Variants in SP2 observed in about 807,000 individuals in gnomAD.
SP2 encodes the protein transcription factor Sp2.
A neutral mutation model predicts 50.1 loss-of-function variants in SP2; 9 were observed. The ratio of observed to expected loss-of-function variants is 0.18; its 90% confidence interval spans 0.11 to 0.31. The LOEUF (loss-of-function observed/expected upper bound fraction) is 0.31, where lower values mean the gene tolerates loss of function less well. Ranked by LOEUF, SP2 falls within the 10% of genes least tolerant of loss-of-function variation. SP2 has a pLI of 1.00. For missense variants in SP2, 581 were observed against 806.5 expected (o/e 0.72, Z 3.39); for synonymous variants, 313 against 326.6 (o/e 0.96, Z 0.45).
At chr17:47,910,831 G>A (rs2034952072) in intron 1 of SP2, among the ~76,000 whole-genome samples, 1 of 152,160 alleles carries the variant, frequency 6.6e-6, no homozygotes, top group Non-Finnish European at 1.5e-5. Flanking sequence ...GTCCTAATTA[G>A]CCCACACAGT....
chr17:47,925,688 G>C (rs1178257862), intron 6 of SP2, 147 bp downstream of exon 6: 2 of 625,544 alleles, frequency 3.2e-6, no homozygotes, highest in Middle Eastern at 4.3e-4. Context: ...GGACGACATA[G>C]GAAATTATTT....
intron 3 of SP2, chr17:47,918,444 A>G (rs1296960380): frequency 1.3e-5 from 2 of 152,184 alleles, no homozygotes; most frequent in Non-Finnish European, 2.9e-5. Context: ...TCCCATGATC[A>G]GACCTACCTT....
intron 1 of SP2, among the ~76,000 whole-genome samples, chr17:47,902,972 T>C (rs1409431230): frequency 7.2e-5 from 11 of 152,008 alleles, no homozygotes; most frequent in Non-Finnish European, 5.9e-5. Flanking sequence ...GCCAGGCTGG[T>C]CTCCAACTCC....
chr17:47,902,375 G>A (rs908253157), intron 1 of SP2, among the ~76,000 whole-genome samples: 7 of 152,116 alleles, frequency 4.6e-5, no homozygotes, highest in Non-Finnish European at 7.4e-5. Context: ...ATGGTATTGG[G>A]GGCCTCTGAG....
chr17:47,923,244 G>A lies in SP2; in HGVS notation c.1342G>A (p.Gly448Ser). The A allele has an allele frequency of 6.2e-7, 1 of 1,607,072 alleles. No homozygotes were observed. Among genetic ancestry groups the A allele is most frequent in the African/African-American group, 1.3e-5 (1 of 75,054 alleles). Residue 448 changes from glycine (G) to serine (S), a missense_variant, in exon 4 of 7, where the codon GGC (glycine) becomes AGC (serine). Coordinates refer to ENST00000376741, the MANE Select transcript of SP2 (RefSeq NM_003110.6). The part of the protein sequence containing the change: ...TININGVQVQ[G>S]VPVTITNTGG... Reference sequence around the variant, plus strand: ...CAACATCAATGGTGTCCAGGTCCAGGGCGTGCCTGTCACCATCACCAACAC... The same window carrying A: ...CAACATCAATGGTGTCCAGGTCCAGAGCGTGCCTGTCACCATCACCAACAC...
chr17:47,919,710 G>C (rs11079801), intron 3 of SP2, among the ~76,000 whole-genome samples: 72,836 of 151,552 alleles, frequency 0.48, 17,771 homozygotes, highest in East Asian at 0.76. Flanking sequence ...AGACCCCACT[G>C]TGTTTTCACC....
downstream of SP2, among the ~76,000 whole-genome samples, chr17:47,931,647 T>C (rs895915774): frequency 2.0e-5 from 3 of 152,168 alleles, no homozygotes; most frequent in East Asian, 1.9e-4. Context: ...CACCCAGAAA[T>C]TGGGCCAAAG....
At position 47,916,340 on chromosome 17, in the gene SP2, A is replaced by G. The variant is rs748982935; in HGVS notation, c.269A>G (p.Lys90Arg). The change falls in exon 3 of 7, where the codon AAA becomes AGA. Residue 90 changes from lysine to arginine, a missense_variant. By Grantham distance (26) the Lys-to-Arg change is conservative. Transcript: ENST00000376741. This position sits in a 1 kb window ranked among gnomAD's most constrained non-coding sequence, Gnocchi z 4.7. The stretch of plus-strand genomic sequence containing the variant: ...AATAGCTTTGGAATCTTGTCCTCCA[A>G]AGGAAATATACTTCAGATTCAGGGG... ...GKNSFGILSS[K>R]GNILQIQGSQ... 1.9e-6 allele frequency: 3 copies of G among 1,613,908 alleles called. No homozygotes were observed. The Admixed American group carries it at 5.0e-5, about 27-fold the overall frequency.
At chr17:47,915,246 G>T in intron 1 of SP2, 66 bp from the exon 2 acceptor site, 2 of 1,115,506 alleles carry the variant, frequency 1.8e-6, no homozygotes, top group Non-Finnish European at 2.6e-6. Context: ...AAGAAAATCT[G>T]AGGCAAGTGG....
At chr17:47,913,546 C>T (rs1013616449) in intron 1 of SP2, among the ~76,000 whole-genome samples, 1 of 152,088 alleles carries the variant, frequency 6.6e-6, no homozygotes, top group African/African-American at 2.4e-5. Flanking sequence ...TCATGACTTT[C>T]GTTTTCCTGA....
intron 1 of SP2, among the ~76,000 whole-genome samples, chr17:47,907,426 CTTTG>C (rs963739194): frequency 3.3e-5 from 5 of 152,204 alleles, no homozygotes; most frequent in African/African-American, 9.7e-5. Context: ...TGCCTTCAAA[CTTTG>C]TTTGATGCCC....
At chr17:47,924,738 T>C (rs1263157160) in intron 4 of SP2, among the ~76,000 whole-genome samples, 181 bp from the exon 5 acceptor site, 2 of 152,212 alleles carry the variant, frequency 1.3e-5, no homozygotes, top group Non-Finnish European at 2.9e-5. Flanking sequence ...ACCTATTTTA[T>C]AGGGTCATGG....
chr17:47,918,808 C>T (rs2035316878), intron 3 of SP2, among the ~76,000 whole-genome samples: 1 of 152,180 alleles, frequency 6.6e-6, no homozygotes, highest in Non-Finnish European at 1.5e-5. Context: ...CTGTGACCAA[C>T]TTTGAAGCCA....
chr17:47,916,646 C>G lies in SP2; in HGVS notation c.575C>G (p.Thr192Ser). ...ATCCAGAAGTCGAGTACGACCACCA[C>G]CCCCGTGCAGAGCGGGGCCAATGTG... ...APIQKSSTTT[T>S]PVQSGANVVK... Residue 192 changes from threonine (T) to serine (S), a missense_variant, in exon 3 of 7, where the codon ACC becomes AGC. Thr to Ser is a moderately conservative substitution (Grantham distance 58, BLOSUM62 1). Around this residue, in one of 2 missense-constraint regions of SP2, gnomAD observed 397 missense variants for 491.0 expected, o/e 0.81. Transcript: ENST00000376741. This position sits in a 1 kb window ranked among gnomAD's most constrained non-coding sequence, Gnocchi z 4.7. 1 of 1,613,988 alleles carries G rather than the reference C, an allele frequency of 6.2e-7. No individual in the cohort carries two copies. Among genetic ancestry groups the G allele is most frequent in the Non-Finnish European group, 8.5e-7 (1 of 1,179,926 alleles).
At chr17:47,926,044 G>A (rs2144087394) in intron 6 of SP2, among the ~76,000 whole-genome samples, 1 of 150,164 alleles carries the variant, frequency 6.7e-6, no homozygotes, top group South Asian at 2.1e-4. Flanking sequence ...AGCTTCTCAA[G>A]TAGCTGGGAC....
intron 6 of SP2, among the ~76,000 whole-genome samples, chr17:47,925,753 G>A (rs1296984287): frequency 6.6e-6 from 1 of 152,156 alleles, no homozygotes; most frequent in East Asian, 1.9e-4. Flanking sequence ...AGGAATAGTT[G>A]TCATTGCATG....
intron 3 of SP2, among the ~76,000 whole-genome samples, chr17:47,922,433 A>G (rs953640476): frequency 5.4e-5 from 8 of 149,052 alleles, no homozygotes; most frequent in African/African-American, 1.7e-4. Context: ...AGCATATTTT[A>G]TTTTCCATGT....
Position 47,916,121 on chromosome 17 carries a change from C to T in SP2, c.85-35C>T, listed in dbSNP as rs777770846. The T allele has an allele frequency of 1.3e-6, 2 of 1,566,720 alleles. No homozygotes were observed. Among genetic ancestry groups the T allele is most frequent in the Admixed American group, 3.6e-5 (2 of 55,828 alleles). On this transcript the variant is annotated intron_variant, in intron 2 of 6. Coordinates refer to ENST00000376741, the MANE Select transcript of SP2 (RefSeq NM_003110.6). This position sits in a 1 kb window ranked among gnomAD's most constrained non-coding sequence, Gnocchi z 4.7. ...AGAGGCGGCCGGGCAGCGGGCCTTCCTGTCTCACTCCTTTTCTCTGCTGTT... is the reference window on the plus strand; with the variant it reads ...AGAGGCGGCCGGGCAGCGGGCCTTCTTGTCTCACTCCTTTTCTCTGCTGTT...
chr17:47,913,000 C>T (rs1434269046), intron 1 of SP2, among the ~76,000 whole-genome samples: 3 of 151,778 alleles, frequency 2.0e-5, no homozygotes, highest in African/African-American at 7.3e-5. Flanking sequence ...GCTGGGATTA[C>T]GGGCACCTGC....
Sources: gnomAD v4.1 joint callset for allele counts (sites outside exome capture counted in the v4.1 genomes callset) on GRCh38, gnomAD v4.1.1 for gene constraint, gnomAD v4.1.1 regional missense constraint, Gnocchi (gnomAD v3.1) non-coding constraint, MANE v1.5 for transcripts, NCBI Gene and HGNC (gene_info 2026-07-23, HGNC 2026-07-21) for gene names.